Variants in KDM2B observed in about 807,000 individuals in gnomAD.
The protein encoded by KDM2B is lysine-specific demethylase 2B.
Under a neutral mutation model 150.0 loss-of-function variants are expected in KDM2B, and 26 were observed. The ratio of observed to expected loss-of-function variants is 0.17; its 90% CI spans 0.13 to 0.24. The LOEUF is 0.24. Among genes scored for constraint, KDM2B ranks in the 10% least tolerant of loss-of-function variants. The probability of loss-of-function intolerance (pLI) is 1.00; values close to 1 mark genes in which losing one functional copy is unlikely to be tolerated. For missense variants in KDM2B, 1,265 were observed against 1,816.9 expected (o/e 0.70, Z 5.52); for synonymous variants, 734 against 729.5 (o/e 1.01, Z -0.10).
intron 6 of KDM2B, among the ~76,000 whole-genome samples, chr12:121,540,267 G>A (rs1193531408): frequency 1.3e-5 from 2 of 152,166 alleles, no homozygotes; most frequent in Non-Finnish European, 2.9e-5. Flanking sequence ...AAGGCCTGGG[G>A]TCTAGTGCAT....
In KDM2B at chr12:121,467,030, G is replaced by C. The variant is rs1880096439; in HGVS notation, c.1735-13686C>G. 1 of 378,508 alleles carries C rather than the reference G, an allele frequency of 2.6e-6. No individual in the cohort carries two copies. Among genetic ancestry groups the C allele is most frequent in the Non-Finnish European group, 3.7e-6 (1 of 269,762 alleles). The allele number at this position is 378,508 out of a possible 1,614,324, so 23.4% of individuals were successfully genotyped here. ...CGGGCCCGGCCCCGGCCGCCCCGCC[G>C]GCAGCGGCAGCAAAACTTTCTCCTC... On this transcript the variant is annotated intron_variant, in intron 12 of 22. Coordinates refer to ENST00000377071, the MANE Select transcript of KDM2B (RefSeq NM_032590.5). This position sits in a 1 kb window ranked among gnomAD's most constrained non-coding sequence, Gnocchi z 5.1.
At chr12:121,510,536 T>C (rs1885494230) in intron 10 of KDM2B, among the ~76,000 whole-genome samples, 1 of 152,148 alleles carries the variant, frequency 6.6e-6, no homozygotes, top group African/African-American at 2.4e-5. Context: ...CTCACGCCTA[T>C]AATCCCTACA....
chr12:121,556,958 T>C (rs1308586947), intron 4 of KDM2B, among the ~76,000 whole-genome samples: 1 of 151,850 alleles, frequency 6.6e-6, no homozygotes, highest in African/African-American at 2.4e-5. Flanking sequence ...AAAAAGGTTG[T>C]AGGATTAGCT....
chr12:121,466,188 T>C (rs1165642836), intron 12 of KDM2B, among the ~76,000 whole-genome samples: 1 of 152,016 alleles, frequency 6.6e-6, no homozygotes, highest in African/African-American at 2.4e-5. Flanking sequence ...AACACCTTTA[T>C]CCCACCAGGA....
intron 4 of KDM2B, among the ~76,000 whole-genome samples, chr12:121,554,568 G>A (rs1406317419): frequency 6.6e-6 from 1 of 151,664 alleles, no homozygotes; most frequent in Admixed American, 6.6e-5. Context: ...CTGCCACCAC[G>A]CCCAGCTAAT....
chr12:121,481,325 T>A (rs1555297840), intron 12 of KDM2B, among the ~76,000 whole-genome samples: 1 of 152,194 alleles, frequency 6.6e-6, no homozygotes, highest in Non-Finnish European at 1.5e-5. Flanking sequence ...TTGCACCTAC[T>A]TTCTTTTTGT....
At chr12:121,464,391 G>A (rs1328852325) in intron 12 of KDM2B, among the ~76,000 whole-genome samples, 1 of 152,256 alleles carries the variant, frequency 6.6e-6, no homozygotes, top group Non-Finnish European at 1.5e-5. Flanking sequence ...GTGCACACCG[G>A]CAAAGAGCAC....
chr12:121,559,896 T>A (rs1472123625), intron 4 of KDM2B, among the ~76,000 whole-genome samples: 2 of 129,914 alleles, frequency 1.5e-5, no homozygotes, highest in African/African-American at 2.9e-5. Context: ...AGAGCAAAAC[T>A]CCATCTCAAA....
chr12:121,431,322 T>G (rs1045266129), intron 22 of KDM2B, among the ~76,000 whole-genome samples: 22 of 107,536 alleles, frequency 2.0e-4, no homozygotes, highest in Middle Eastern at 4.6e-3. Flanking sequence ...TTTTTTTTTT[T>G]GTAGTAAGTA....
intron 11 of KDM2B, among the ~76,000 whole-genome samples, chr12:121,507,483 G>A (rs901036919): frequency 3.9e-5 from 6 of 152,230 alleles, no homozygotes; most frequent in Non-Finnish European, 7.3e-5. Flanking sequence ...CGAGCTGCCC[G>A]TGATTCCCCT....
At position 121,494,572 on chromosome 12, in the gene KDM2B, G is replaced by C. The variant is rs61757389; in HGVS notation, c.1734+7C>G. On this transcript the variant is annotated splice_region_variant and intron_variant, in intron 12 of 22. Coordinates refer to ENST00000377071, the MANE Select transcript of KDM2B (RefSeq NM_032590.5). ...CGGCCGCCCGCTGCAGGCAGGCTGC[G>C]TCTTACCTTTGGAGTCTTCTTTGGC... 6.2e-7 allele frequency: 1 copy of C among 1,610,848 alleles called. No individual in the cohort carries two copies. The highest frequency in any genetic ancestry group is 8.5e-7 in the Non-Finnish European group (1 of 1,178,038).
chr12:121,556,496 T>C (rs1555312751), intron 4 of KDM2B, among the ~76,000 whole-genome samples: 1 of 152,172 alleles, frequency 6.6e-6, no homozygotes, highest in African/African-American at 2.4e-5. Flanking sequence ...CAGAAGCAGA[T>C]GCTGGCTCCA....
rs1379017021 is a variant in KDM2B at position 121,467,014 on chromosome 12, C to G, written c.1735-13670G>C. 1.6e-4 allele frequency: 47 copies of G among 289,604 alleles called. No homozygotes were observed. Among genetic ancestry groups the G allele is most frequent in the Non-Finnish European group, 2.4e-4 (45 of 190,136 alleles). 17.9% of individuals were successfully genotyped at this position (289,604 alleles called of 1,614,324 possible). ...TCCTCTACGCCCCGCTCGGGCCCGG[C>G]CCCGGCCGCCCCGCCGGCAGCGGCA... On this transcript the variant is annotated intron_variant, in intron 12 of 22. Transcript: ENST00000377071. The surrounding 1 kb of genome is among the most constrained non-coding windows in gnomAD (Gnocchi z 5.1).
Position 121,514,358 on chromosome 12 carries a change from G to T in KDM2B, c.1048-956C>A, listed in dbSNP as rs146107329. On this transcript the variant is annotated intron_variant, in intron 9 of 22. Coordinates refer to ENST00000377071, the MANE Select transcript of KDM2B (RefSeq NM_032590.5). ...TGTTTATCATAGAAGAGGAAGTAAA[G>T]GTGGAGACAGCTTTGTGTACTAGAA... Among the ~76,000 whole-genome samples, 1,188 of 152,110 alleles carry T rather than the reference G, an allele frequency of 7.8e-3. 10 individuals carry two copies. Among genetic ancestry groups the T allele is most frequent in the African/African-American group, 0.028 (1,141 of 41,432 alleles).
chr12:121,420,322 C>T, the KDM2B span: 37 of 1,567,528 alleles, frequency 2.4e-5, no homozygotes, highest in Non-Finnish European at 2.9e-5. Flanking sequence ...AAGAAGAAAA[C>T]GCAGAGGATC....
At chr12:121,553,283 G>A (rs1465355449) in intron 4 of KDM2B, among the ~76,000 whole-genome samples, 1 of 151,354 alleles carries the variant, frequency 6.6e-6, no homozygotes, top group African/African-American at 2.4e-5. Flanking sequence ...CTCGCTCTCT[G>A]GCCAGCCTCC....
rs868909673 is a variant in KDM2B at position 121,430,622 on chromosome 12, A to G, written c.3830-153T>C. 1.6e-6 allele frequency: 1 copy of G among 623,800 alleles called. No homozygotes were observed. The highest frequency in any genetic ancestry group is 1.9e-5 in the South Asian group (1 of 52,048). 38.6% of individuals were successfully genotyped at this position (623,800 alleles called of 1,614,324 possible). A position where few individuals can be genotyped will look rare whatever the true frequency, so the allele number is the denominator to read the frequency against. Reference sequence around the variant, plus strand: ...ACTAAATAAAATGTTATTTGCTTAAAATCTCTCTTCTTCAAACGGGGAAGG... The same window carrying G: ...ACTAAATAAAATGTTATTTGCTTAAGATCTCTCTTCTTCAAACGGGGAAGG... On this transcript the variant is annotated intron_variant, in intron 22 of 22. Coordinates refer to ENST00000377071, the MANE Select transcript of KDM2B (RefSeq NM_032590.5). This position sits in a 1 kb window ranked among gnomAD's most constrained non-coding sequence, Gnocchi z 4.4.
intron 11 of KDM2B, among the ~76,000 whole-genome samples, chr12:121,508,190 A>T (rs1345571659): frequency 1.3e-5 from 2 of 152,072 alleles, no homozygotes; most frequent in African/African-American, 4.8e-5. Flanking sequence ...GGGGTCAAGC[A>T]ATCCTCTCTC....
chr12:121,564,390 G>A (rs1270404547), intron 4 of KDM2B, among the ~76,000 whole-genome samples: 6 of 151,922 alleles, frequency 3.9e-5, no homozygotes, highest in African/African-American at 7.3e-5. Context: ...CCCGGGAGGC[G>A]GAGCTTGCAG....
Sources: gnomAD v4.1 joint callset for allele counts (sites outside exome capture counted in the v4.1 genomes callset) on GRCh38, gnomAD v4.1.1 for gene constraint, Gnocchi (gnomAD v3.1) non-coding constraint, MANE v1.5 for transcripts, NCBI Gene and HGNC (gene_info 2026-07-23, HGNC 2026-07-21) for gene names.